The following ASIC2 variants were observed in gnomAD, a reference collection of about 807,000 sequenced individuals.
ASIC2 encodes acid-sensing ion channel 2.
Under a neutral mutation model 57.3 loss-of-function variants are expected in ASIC2, and 25 were observed. The observed-to-expected ratio is 0.44, with a 90% CI of 0.32 to 0.61. The LOEUF (loss-of-function observed/expected upper bound fraction) is 0.61, where lower values mean the gene tolerates loss of function less well. ASIC2 is among the 20% of genes least tolerant of loss of function. The pLI is 0.06. For missense variants in ASIC2, 641 were observed against 738.1 expected (o/e 0.87, Z 1.52); for synonymous variants, 319 against 307.5 (o/e 1.04, Z -0.39).
intron 1 of ASIC2, among the ~76,000 whole-genome samples, chr17:33,694,948 C>A (rs907793118): frequency 2.0e-5 from 3 of 152,186 alleles, no homozygotes; most frequent in Non-Finnish European, 2.9e-5. Context: ...TACATGATTT[C>A]CTCAGCACCT....
rs373393184 is a variant in ASIC2, at chr17:34,088,268, C to T, written c.555+67710G>A. Among the ~76,000 whole-genome samples, 4 of 152,248 alleles carry T rather than the reference C, an allele frequency of 2.6e-5. No homozygotes were observed. In the East Asian group the frequency reaches 7.7e-4, roughly 29 times the overall value. On this transcript the variant is annotated intron_variant, in intron 1 of 9. Coordinates refer to the ASIC2 transcript ENST00000359872. ...TAGTTTTCCTTCTAACAGACAGGAC[C>T]CTCAGCTGCAGGTCTGTTGGAGTTT...
At chr17:33,331,974 C>G (rs1238724550) in intron 1 of ASIC2, among the ~76,000 whole-genome samples, 2 of 152,252 alleles carry the variant, frequency 1.3e-5, no homozygotes, top group African/African-American at 4.8e-5. Context: ...CCTGGACCAA[C>G]TGAATCAGGG....
At chr17:33,110,128 TGGAG>T (rs1443946311) in intron 2 of ASIC2, among the ~76,000 whole-genome samples, 1 of 152,188 alleles carries the variant, frequency 6.6e-6, no homozygotes, top group African/African-American at 2.4e-5. Context: ...ACCATTGTCA[TGGAG>T]GGACATAACT....
At chr17:33,557,055 A>T (rs1915929107) in intron 1 of ASIC2, among the ~76,000 whole-genome samples, 1 of 152,186 alleles carries the variant, frequency 6.6e-6, no homozygotes, top group African/African-American at 2.4e-5. Flanking sequence ...TCATCACATT[A>T]GCTAGTATTT....
intron 1 of ASIC2, among the ~76,000 whole-genome samples, chr17:33,490,927 G>A (rs1221077002): frequency 6.6e-6 from 1 of 152,084 alleles, no homozygotes; most frequent in East Asian, 1.9e-4. Context: ...ACCTTCCTGA[G>A]CCTTGGCCAA....
chr17:33,895,811 G>A (rs147332433), intron 1 of ASIC2, among the ~76,000 whole-genome samples: 2 of 152,136 alleles, frequency 1.3e-5, no homozygotes, highest in East Asian at 1.9e-4. Flanking sequence ...CATGTCTTAC[G>A]AGGCAGAACA....
chr17:33,405,942 C>T (rs147512847), intron 1 of ASIC2, among the ~76,000 whole-genome samples: 2 of 152,282 alleles, frequency 1.3e-5, no homozygotes, highest in African/African-American at 4.8e-5. Context: ...CAGCCCGAGC[C>T]TGCGAGCATT....
chr17:33,764,648 A>G (rs144966447), intron 1 of ASIC2, among the ~76,000 whole-genome samples: 1 of 152,122 alleles, frequency 6.6e-6, no homozygotes, highest in African/African-American at 2.4e-5. Flanking sequence ...AAAGCCACCA[A>G]TTCCTCCTCC....
At chr17:33,970,035 G>A (rs987144085) in intron 1 of ASIC2, among the ~76,000 whole-genome samples, 3 of 152,120 alleles carry the variant, frequency 2.0e-5, no homozygotes, top group Non-Finnish European at 2.9e-5. Context: ...TTATCTCAAC[G>A]TGCCTATTTC....
At chr17:33,626,757 C>G (rs887367220) in intron 1 of ASIC2, among the ~76,000 whole-genome samples, 6 of 152,198 alleles carry the variant, frequency 3.9e-5, no homozygotes, top group African/African-American at 1.4e-4. Context: ...GCCCCTTGCT[C>G]TCACTCCCTC....
intron 8 of ASIC2, 127 bp downstream of exon 8, chr17:33,017,477 TG>T: frequency 1.3e-6 from 1 of 744,696 alleles, no homozygotes; most frequent in Non-Finnish European, 2.2e-6. Context: ...ACTCTATTGG[TG>T]GACAGGAGGG....
intron 1 of ASIC2, among the ~76,000 whole-genome samples, chr17:33,498,236 C>T (rs760478315): frequency 1.6e-4 from 24 of 152,300 alleles, no homozygotes; most frequent in South Asian, 4.1e-4. Flanking sequence ...TAGGAACGCT[C>T]CCACCAGGAA....
chr17:33,964,335 A>G (rs1048767513), intron 1 of ASIC2, among the ~76,000 whole-genome samples: 43 of 152,240 alleles, frequency 2.8e-4, no homozygotes, highest in African/African-American at 1.0e-3. Flanking sequence ...AGCTCAGACC[A>G]GCTCAAGTTT....
intron 1 of ASIC2, chr17:34,072,455 A>G (rs1158167919): frequency 2.0e-5 from 3 of 152,358 alleles, no homozygotes; most frequent in African/African-American, 7.2e-5. Context: ...CGGTACAGTT[A>G]GAACGTGGCA....
At chr17:33,580,114 A>C (rs1213532385) in intron 1 of ASIC2, 1 of 152,044 alleles carries the variant, frequency 6.6e-6, no homozygotes, top group East Asian at 1.9e-4. Context: ...AACATCCTGA[A>C]CTCCAGGGTT....
chr17:33,576,549 C>T (rs1916628257), intron 1 of ASIC2, among the ~76,000 whole-genome samples: 1 of 152,162 alleles, frequency 6.6e-6, no homozygotes, highest in South Asian at 2.1e-4. Flanking sequence ...CTCTGTGTTA[C>T]TTCAAGTGAC....
chr17:33,930,243 G>A (rs772473512), intron 1 of ASIC2, among the ~76,000 whole-genome samples: 28 of 152,268 alleles, frequency 1.8e-4, no homozygotes, highest in Non-Finnish European at 3.8e-4. Flanking sequence ...TGTATTTCAG[G>A]AATTACTGGA....
intron 1 of ASIC2, among the ~76,000 whole-genome samples, chr17:33,477,337 A>G (rs1336114574): frequency 1.3e-5 from 2 of 152,326 alleles, no homozygotes; most frequent in Non-Finnish European, 2.9e-5. Context: ...TCAGGACAAT[A>G]TAAATACATT....
intron 1 of ASIC2, among the ~76,000 whole-genome samples, chr17:33,150,442 T>G (rs1165892229): frequency 6.6e-6 from 1 of 152,224 alleles, no homozygotes; most frequent in Non-Finnish European, 1.5e-5. Flanking sequence ...CCTGGAAAGA[T>G]GTTGTCCATT....
Sources: gnomAD v4.1 joint callset for allele counts (sites outside exome capture counted in the v4.1 genomes callset) on GRCh38, gnomAD v4.1.1 for gene constraint, MANE v1.5 for transcripts, NCBI Gene and HGNC (gene_info 2026-07-23, HGNC 2026-07-21) for gene names.